ZAP70: variants seen among roughly 807,000 people sequenced by gnomAD.
ZAP70 encodes the protein tyrosine-protein kinase ZAP-70.
Under a neutral mutation model 65.8 loss-of-function variants are expected in ZAP70, and 27 were observed. That is an observed-to-expected ratio of 0.41 (90% CI 0.30 to 0.57). The LOEUF is 0.57. ZAP70 is among the 20% of genes least tolerant of loss of function. The pLI is 0.28. For missense variants in ZAP70, 696 were observed against 870.5 expected, an observed-to-expected ratio of 0.80 and a Z score of 2.52; for synonymous variants, 363 against 360.8, an observed-to-expected ratio of 1.01 and a Z score of -0.07.
At chr2:97,744,615 A>G (rs1678205105), downstream of ZAP70, among the ~76,000 whole-genome samples, 1 of 152,228 alleles carries the variant, frequency 6.6e-6, no homozygotes, top group Non-Finnish European at 1.5e-5. Flanking sequence ...CTGATCCATC[A>G]AATTCCTGAA....
downstream of ZAP70, among the ~76,000 whole-genome samples, chr2:97,744,555 C>T (rs1442711660): frequency 6.6e-6 from 1 of 152,162 alleles, no homozygotes; most frequent in African/African-American, 2.4e-5. Flanking sequence ...AATATTACTT[C>T]CTTCCATGGA....
intron 8 of ZAP70, chr2:97,734,065 G>C: frequency 3.6e-6 from 1 of 278,702 alleles, no homozygotes; most frequent in South Asian, 4.9e-5. Flanking sequence ...TGCTGCGGGT[G>C]CTCCTGTTTC....
Position 97,734,627 on chromosome 2 carries a change from A to C in ZAP70, c.997A>C (p.Lys333Gln). Reference sequence around the variant, plus strand: ...GCTCAAGGACAAGAAGCTCTTCCTGAAGCGCGATAACCTCCTCATAGCTGA... The same window carrying C: ...GCTCAAGGACAAGAAGCTCTTCCTGCAGCGCGATAACCTCCTCATAGCTGA... ...EELKDKKLFL[K>Q]RDNLLIADIE... The change falls in exon 9 of 14, where the codon AAG becomes CAG. Residue 333 changes from lysine to glutamine, a missense_variant. By Grantham distance (53) the Lys-to-Gln change is moderately conservative. Around this residue, in one of 3 missense-constraint regions of ZAP70, gnomAD observed 551 missense variants for 630.0 expected, o/e 0.87. Coordinates refer to ENST00000264972, the MANE Select transcript of ZAP70 (RefSeq NM_001079.4). The C allele has an allele frequency of 6.2e-7, 1 of 1,614,204 alleles. No individual in the cohort carries two copies. Among genetic ancestry groups the C allele is most frequent in the Non-Finnish European group, 8.5e-7 (1 of 1,180,022 alleles).
the ZAP70 span, among the ~76,000 whole-genome samples, chr2:97,747,711 TA>T: frequency 2.4e-3 from 362 of 150,562 alleles, 1 homozygote; most frequent in Non-Finnish European, 3.7e-3. Context: ...CTTTATACTC[TA>T]AAATGGTTAA....
chr2:97,723,990 GCCTCCGAC>G lies in ZAP70; in HGVS notation c.-21-21_-21-14del, dbSNP rs1677264355. On this transcript the variant is annotated intron_variant, in intron 2 of 13. Transcript: ENST00000264972. Reference sequence around the variant, plus strand: ...ACCAGGTTCAGGAAGGCCCTGACGTGCCTCCGACCCTCTGTGAACCCGCAGGTTTCGGG... The same window carrying G: ...ACCAGGTTCAGGAAGGCCCTGACGTGCCTCTGTGAACCCGCAGGTTTCGGG... 1 of 1,535,658 alleles carries G rather than the reference GCCTCCGAC, an allele frequency of 6.5e-7. No individual in the cohort carries two copies. Among genetic ancestry groups the G allele is most frequent in the African/African-American group, 1.4e-5 (1 of 73,054 alleles).
the ZAP70 span, among the ~76,000 whole-genome samples, chr2:97,746,029 G>A: frequency 6.6e-6 from 1 of 152,228 alleles, no homozygotes; most frequent in Non-Finnish European, 1.5e-5. Flanking sequence ...CTACAGCATG[G>A]AGGAAACTTG....
At chr2:97,729,771 ATG>A (rs1481420464) in intron 4 of ZAP70, among the ~76,000 whole-genome samples, 1 of 150,276 alleles carries the variant, frequency 6.7e-6, no homozygotes, top group Non-Finnish European at 1.5e-5. Flanking sequence ...ACTGAAATAT[ATG>A]TGGTGATAAC....
the ZAP70 span, among the ~76,000 whole-genome samples, chr2:97,754,254 G>A: frequency 6.6e-6 from 1 of 152,162 alleles, no homozygotes; most frequent in Non-Finnish European, 1.5e-5. Context: ...TTTCTCTCAA[G>A]CCTGCTGGCG....
intron 2 of ZAP70, among the ~76,000 whole-genome samples, chr2:97,720,822 G>A (rs990309332): frequency 1.3e-5 from 2 of 152,080 alleles, no homozygotes; most frequent in South Asian, 2.1e-4. Context: ...ACAATCAATC[G>A]GGTTACAGTG....
At chr2:97,740,381 T>C (rs191622850), downstream of ZAP70, among the ~76,000 whole-genome samples, 1 of 152,344 alleles carries the variant, frequency 6.6e-6, no homozygotes, top group Admixed American at 6.5e-5. Context: ...TTAAGACAAA[T>C]TGCATCAATT....
chr2:97,719,837 T>C (rs1376209420), intron 2 of ZAP70, among the ~76,000 whole-genome samples: 1 of 152,086 alleles, frequency 6.6e-6, no homozygotes, highest in African/African-American at 2.4e-5. Flanking sequence ...TTCCCCCAAA[T>C]TCCGTCCTGC....
chr2:97,728,965 C>G (rs762766638), intron 4 of ZAP70, among the ~76,000 whole-genome samples: 20 of 152,228 alleles, frequency 1.3e-4, no homozygotes, highest in Non-Finnish European at 4.4e-5. Context: ...GTTGGCCAGG[C>G]TGGTCTCGAA....
At chr2:97,714,947 G>A (rs530800195) in intron 2 of ZAP70, among the ~76,000 whole-genome samples, 1 of 152,184 alleles carries the variant, frequency 6.6e-6, no homozygotes, top group South Asian at 2.1e-4. Context: ...CTCACCAGCT[G>A]TGTGACTGGA....
At chr2:97,733,404 A>T in intron 7 of ZAP70, 61 bp downstream of exon 7, 1 of 1,587,488 alleles carries the variant, frequency 6.3e-7, no homozygotes, top group South Asian at 1.1e-5. Flanking sequence ...GCTGTGGGGG[A>T]GGCTGGGATG....
At chr2:97,716,837 A>G (rs1676935339) in intron 2 of ZAP70, among the ~76,000 whole-genome samples, 1 of 152,092 alleles carries the variant, frequency 6.6e-6, no homozygotes, top group Non-Finnish European at 1.5e-5. Flanking sequence ...TGATGGCATG[A>G]CGGGGGCCAG....
Position 97,739,723 on chromosome 2 carries a change from T to TG in ZAP70, c.*228dup. On this transcript the variant is annotated 3_prime_UTR_variant, in exon 14 of 14. Coordinates refer to ENST00000264972, the MANE Select transcript of ZAP70 (RefSeq NM_001079.4). Reference sequence around the variant, plus strand: ...GAGGGTGCGGCTGTGCAGCCTGTCCTGGGCTGGTGGCTCCCGGAGGGCCCT... The same window carrying TG: ...GAGGGTGCGGCTGTGCAGCCTGTCCTGGGGCTGGTGGCTCCCGGAGGGCCCT... 1 of 671,524 alleles carries TG rather than the reference T, an allele frequency of 1.5e-6. No homozygotes were observed. Among genetic ancestry groups the TG allele is most frequent in the Non-Finnish European group, 2.5e-6 (1 of 406,146 alleles). 41.6% of individuals were successfully genotyped at this position (671,524 alleles called of 1,614,324 possible). A position where few individuals can be genotyped will look rare whatever the true frequency, so the allele number is the denominator to read the frequency against.
chr2:97,754,307 C>CG, the ZAP70 span, among the ~76,000 whole-genome samples: 1,727 of 151,656 alleles, frequency 0.011, 13 homozygotes, highest in Non-Finnish European at 0.015. Context: ...GGAGTTTGGT[C>CG]GGGGGGGGTC....
Position 97,734,565 on chromosome 2 carries a change from C to T in ZAP70, c.935C>T (p.Thr312Met), listed in dbSNP as rs903840321. 6 of 1,614,160 alleles carry T rather than the reference C, an allele frequency of 3.7e-6. No homozygotes were observed. The Admixed American group carries it at 1.0e-4, about 27-fold the overall frequency. The change falls in exon 9 of 14, where the codon ACG becomes ATG. Residue 312 changes from threonine to methionine, a missense_variant. Thr to Met is a moderately conservative substitution (Grantham distance 81). Coordinates refer to ENST00000264972, the MANE Select transcript of ZAP70 (RefSeq NM_001079.4). Reference sequence around the variant, plus strand: ...AAACCGCGGCCGATGCCCATGGACACGAGCGTGTATGAGAGCCCCTACAGC... The same window carrying T: ...AAACCGCGGCCGATGCCCATGGACATGAGCGTGTATGAGAGCCCCTACAGC... ...PDKPRPMPMD[T>M]SVYESPYSDP...
rs1677763279 is a variant in ZAP70, at chr2:97,734,557, C to T, written c.927C>T (p.Pro309=). 2 of 1,614,036 alleles carry T rather than the reference C, an allele frequency of 1.2e-6. No individual in the cohort carries two copies. Among genetic ancestry groups the T allele is most frequent in the Non-Finnish European group, 1.7e-6 (2 of 1,180,024 alleles). ...CCCCAGACAAACCGCGGCCGATGCC[C>T]ATGGACACGAGCGTGTATGAGAGCC... ...ITSPDKPRPM[P]MDTSVYESPY... The change falls in exon 9 of 14, where the codon CCC becomes CCT. Residue 309 remains proline, a synonymous_variant. Coordinates refer to ENST00000264972, the MANE Select transcript of ZAP70 (RefSeq NM_001079.4).
Sources: allele counts gnomAD v4.1 joint callset (sites outside exome capture counted in the v4.1 genomes callset), GRCh38; gene constraint gnomAD v4.1.1; regional missense constraint gnomAD v4.1.1; transcripts MANE v1.5; gene names NCBI Gene and HGNC (gene_info 2026-07-23, HGNC 2026-07-21).